The following MSANTD2 variants were observed in gnomAD, a reference collection of about 807,000 sequenced individuals.
The protein encoded by MSANTD2 is Myb/SANT DNA binding domain containing 2.
A neutral mutation model predicts 52.6 loss-of-function variants in MSANTD2; 19 were observed. That is an observed-to-expected ratio of 0.36 (90% CI 0.25 to 0.53). The LOEUF (loss-of-function observed/expected upper bound fraction) is 0.53. Among genes scored for constraint, MSANTD2 ranks in the 20% least tolerant of loss-of-function variants. MSANTD2 has a pLI of 0.91. For synonymous variants in MSANTD2, 291 were observed against 289.7 expected (o/e 1.00, Z -0.04); for missense variants, 558 against 716.3 (o/e 0.78, Z 2.52).
intron 1 of MSANTD2, chr11:124,775,301 A>G: frequency 5.2e-6 from 1 of 191,220 alleles, no homozygotes; most frequent in South Asian, 1.0e-4. Flanking sequence ...AAAAACAAGA[A>G]ATACCAGCCA....
intron 1 of MSANTD2, among the ~76,000 whole-genome samples, chr11:124,796,342 G>A (rs1292829679): frequency 6.6e-6 from 1 of 152,156 alleles, no homozygotes; most frequent in East Asian, 1.9e-4. Context: ...GAAATTATCT[G>A]ACTAAAGGAA....
chr11:124,784,229 C>A, intron 1 of MSANTD2: 2 of 985,300 alleles, frequency 2.0e-6, no homozygotes, highest in Non-Finnish European at 2.4e-6. Context: ...CCTCCTACAT[C>A]ACCTCTGAAG....
intron 1 of MSANTD2, among the ~76,000 whole-genome samples, chr11:124,795,296 C>T (rs1013273729): frequency 2.0e-5 from 3 of 152,220 alleles, no homozygotes; most frequent in African/African-American, 7.2e-5. Flanking sequence ...TAGAAGTACA[C>T]ATCTGTTTCA....
intron 1 of MSANTD2, among the ~76,000 whole-genome samples, chr11:124,799,509 C>T (rs969085723): frequency 1.3e-5 from 2 of 152,352 alleles, no homozygotes; most frequent in East Asian, 3.9e-4. Context: ...CCTGGGAGCC[C>T]CTCCGCCTGG....
rs117480796 is a variant in MSANTD2 at position 124,780,326 on chromosome 11, A to C, written c.511-5352T>G. ...ACCTTTTTTCTTAGGTTTTCTGTTC[A>C]TTGACATCTGACAAACTGACTTGCC... On this transcript the variant is annotated intron_variant, in intron 1 of 3. Transcript: ENST00000374979. Among the ~76,000 whole-genome samples, 585 of 152,330 alleles carry C rather than the reference A, an allele frequency of 3.8e-3. 8 individuals are homozygous for C. The highest frequency in any genetic ancestry group is 0.033 in the East Asian group (172 of 5,190).
chr11:124,787,771 GCTT>G (rs1235546583), intron 1 of MSANTD2, among the ~76,000 whole-genome samples: 2 of 152,120 alleles, frequency 1.3e-5, no homozygotes, highest in African/African-American at 4.8e-5. Context: ...TACTGCCATA[GCTT>G]CTTTGACTTT....
In MSANTD2 at chr11:124,774,483, A is replaced by C. The variant is rs1944661636; in HGVS notation, c.766+236T>G. 6.6e-6 allele frequency among the ~76,000 whole-genome samples: 1 copy of C among 152,214 alleles called. No homozygotes were observed. The highest frequency in any genetic ancestry group is 6.5e-5 in the Admixed American group (1 of 15,278). On this transcript the variant is annotated intron_variant, in intron 2 of 3. Coordinates refer to ENST00000374979, the MANE Select transcript of MSANTD2 (RefSeq NM_001308027.2). The surrounding 1 kb of genome is among the most constrained non-coding windows in gnomAD (Gnocchi z 5.1). ...TGGTAAACAACTTGCCAAATGAACAACACCAAGCACCAGTTGGCAGTTTAA... is the reference window on the plus strand; with the variant it reads ...TGGTAAACAACTTGCCAAATGAACACCACCAAGCACCAGTTGGCAGTTTAA...
chr11:124,795,570 T>A lies in MSANTD2; in HGVS notation c.510+4301A>T, dbSNP rs570087177. ...AAATAACACTAAATCAAGTACCGCCTTGCATTCCATCCCTTGTGTTGTCTT... is the reference window on the plus strand; with the variant it reads ...AAATAACACTAAATCAAGTACCGCCATGCATTCCATCCCTTGTGTTGTCTT... On this transcript the variant is annotated intron_variant, in intron 1 of 3. Transcript: ENST00000374979. 3.5e-4 allele frequency among the ~76,000 whole-genome samples: 54 copies of A among 152,356 alleles called. 1 individual carries two copies. The South Asian group carries it at 9.5e-3, about 27-fold the overall frequency.
intron 1 of MSANTD2, among the ~76,000 whole-genome samples, chr11:124,777,127 A>T (rs1307669989): frequency 1.3e-5 from 2 of 152,122 alleles, no homozygotes; most frequent in Non-Finnish European, 2.9e-5. Flanking sequence ...ATCCCTTGCC[A>T]ATTTATTTTT....
intron 1 of MSANTD2, among the ~76,000 whole-genome samples, chr11:124,795,149 G>A (rs1008142432): frequency 1.3e-5 from 2 of 152,132 alleles, no homozygotes; most frequent in Admixed American, 6.5e-5. Context: ...AAAGTATTGC[G>A]ATTACAGGCA....
At chr11:124,798,563 T>C (rs1397685578) in intron 1 of MSANTD2, among the ~76,000 whole-genome samples, 1 of 152,280 alleles carries the variant, frequency 6.6e-6, no homozygotes, top group East Asian at 1.9e-4. Context: ...AATTAATGGG[T>C]GGCAAATTCC....
At position 124,767,121 on chromosome 11, in the gene MSANTD2, G is replaced by A; in HGVS notation, c.*55C>T. On this transcript the variant is annotated 3_prime_UTR_variant, in exon 4 of 4. Transcript: ENST00000374979. This position sits in a 1 kb window ranked among gnomAD's most constrained non-coding sequence, Gnocchi z 6.5. ...TGGATGAGGGGTGGTCCGGGTAATGGGAAGTGAGTAGAGAAGAAGGAGCTA... is the reference window on the plus strand; with the variant it reads ...TGGATGAGGGGTGGTCCGGGTAATGAGAAGTGAGTAGAGAAGAAGGAGCTA... 6.6e-7 allele frequency: 1 copy of A among 1,519,692 alleles called. No individual in the cohort carries two copies. The highest frequency in any genetic ancestry group is 8.8e-7 in the Non-Finnish European group (1 of 1,133,670). 94.1% of individuals were successfully genotyped at this position (1,519,692 alleles called of 1,614,324 possible). A position where few individuals can be genotyped will look rare whatever the true frequency, so the allele number is the denominator to read the frequency against.
intron 1 of MSANTD2, among the ~76,000 whole-genome samples, chr11:124,793,737 C>T (rs1945403981): frequency 6.6e-6 from 1 of 152,068 alleles, no homozygotes; most frequent in Non-Finnish European, 1.5e-5. Context: ...ACTGTTTGCC[C>T]CAGTGAGTTG....
chr11:124,796,910 G>A (rs1041474745), intron 1 of MSANTD2, among the ~76,000 whole-genome samples: 2 of 152,174 alleles, frequency 1.3e-5, no homozygotes, highest in African/African-American at 4.8e-5. Context: ...CTTCTTTTCA[G>A]AGGTTTGAGA....
chr11:124,787,200 C>G (rs1191101865), intron 1 of MSANTD2, among the ~76,000 whole-genome samples: 4 of 152,150 alleles, frequency 2.6e-5, no homozygotes, highest in Admixed American at 2.6e-4. Context: ...AAGGTTAGTT[C>G]AAATAAAGTA....
Position 124,799,984 on chromosome 11 carries a change from C to G in MSANTD2, c.397G>C (p.Gly133Arg). Residue 133 changes from glycine (G) to arginine (R), a missense_variant, in exon 1 of 4, where the codon GGC (glycine) becomes CGC (arginine). Physicochemically the swap from Gly to Arg is moderately radical, Grantham distance 125 (BLOSUM62 -2). Transcript: ENST00000374979. The part of the protein sequence containing the change: ...EARYQQLEGA[G>R]TVFGSKAPGP... The stretch of plus-strand genomic sequence containing the variant: ...GGGGCCTTGCTGCCGAACACCGTGC[C>G]GGCTCCCTCCAGCTGCTGGTACCGC... 6.3e-7 allele frequency: 1 copy of G among 1,584,656 alleles called. No homozygotes were observed. Among genetic ancestry groups the G allele is most frequent in the Non-Finnish European group, 8.5e-7 (1 of 1,174,764 alleles).
chr11:124,798,312 G>A (rs1031925436), intron 1 of MSANTD2, among the ~76,000 whole-genome samples: 21 of 151,522 alleles, frequency 1.4e-4, no homozygotes, highest in Non-Finnish European at 2.4e-4. Flanking sequence ...CTACTGGGGA[G>A]GATTGTTTGA....
At chr11:124,783,644 G>T (rs1333177332) in intron 1 of MSANTD2, 2 of 788,200 alleles carry the variant, frequency 2.5e-6, no homozygotes, top group Non-Finnish European at 3.1e-6. Context: ...AAAAATAAAA[G>T]AAAGTAAAAA....
At chr11:124,768,065 C>G (rs775724226) in intron 3 of MSANTD2, 37 bp from the exon 4 acceptor site, 2 of 1,564,168 alleles carry the variant, frequency 1.3e-6, no homozygotes, top group East Asian at 4.5e-5. Flanking sequence ...CCCTAAGTAT[C>G]TAGAACAGCG....
Sources: gnomAD v4.1 joint callset for allele counts (sites outside exome capture counted in the v4.1 genomes callset) on GRCh38, gnomAD v4.1.1 for gene constraint, Gnocchi (gnomAD v3.1) non-coding constraint, MANE v1.5 for transcripts, NCBI Gene and HGNC (gene_info 2026-07-23, HGNC 2026-07-21) for gene names.